Variants in AOPEP observed in about 807,000 individuals in gnomAD.
The protein encoded by AOPEP is aminopeptidase O (putative).
A neutral mutation model predicts 98.1 loss-of-function variants in AOPEP; 77 were observed. That is an observed-to-expected ratio of 0.78 (90% CI 0.65 to 0.95). The LOEUF is 0.95. AOPEP is among the 40% of genes least tolerant of loss of function. AOPEP has a pLI of 0.00. For synonymous variants in AOPEP, 346 were observed against 365.3 expected (o/e 0.95, Z 0.60); for missense variants, 1,024 against 1,024.7 (o/e 1.00, Z 0.01).
chr9:94,933,991 G>A (rs1320066954), intron 7 of AOPEP, among the ~76,000 whole-genome samples: 2 of 152,044 alleles, frequency 1.3e-5, no homozygotes, highest in African/African-American at 2.4e-5. Flanking sequence ...CTTGTGATCC[G>A]CCTGCCTCGG....
chr9:94,784,812 C>T (rs1844047894), intron 3 of AOPEP, among the ~76,000 whole-genome samples: 2 of 152,202 alleles, frequency 1.3e-5, no homozygotes, highest in Admixed American at 1.3e-4. Context: ...GTCAGGGTTT[C>T]ACCCATGTTG....
chr9:94,748,033 C>G (rs1429050818), intron 1 of AOPEP, among the ~76,000 whole-genome samples: 1 of 152,096 alleles, frequency 6.6e-6, no homozygotes, highest in Non-Finnish European at 1.5e-5. Context: ...GATAAATTAA[C>G]CAAGAATGGG....
intron 5 of AOPEP, among the ~76,000 whole-genome samples, chr9:94,804,472 C>G (rs1296768456): frequency 1.3e-5 from 2 of 152,112 alleles, no homozygotes; most frequent in Non-Finnish European, 2.9e-5. Flanking sequence ...TGTAGTTCTG[C>G]TTCATGGCTC....
intron 16 of AOPEP, chr9:95,086,098 T>C: frequency 7.3e-7 from 1 of 1,367,346 alleles, no homozygotes. Flanking sequence ...GTCGAGCCCT[T>C]GAGCAAAAAG....
the AOPEP span, among the ~76,000 whole-genome samples, chr9:95,121,218 G>A: frequency 6.6e-6 from 1 of 152,208 alleles, no homozygotes; most frequent in Non-Finnish European, 1.5e-5. Context: ...TGGCTGTACT[G>A]AGCCACAGTG....
the AOPEP span, among the ~76,000 whole-genome samples, chr9:95,097,574 C>T: frequency 6.6e-6 from 1 of 152,242 alleles, no homozygotes; most frequent in Non-Finnish European, 1.5e-5. Flanking sequence ...TGCTGGCCGG[C>T]TCACACCAGG....
At chr9:94,869,522 C>T (rs573932798) in intron 5 of AOPEP, among the ~76,000 whole-genome samples, 3 of 152,312 alleles carry the variant, frequency 2.0e-5, no homozygotes, top group East Asian at 3.9e-4. Context: ...ATTGTCTGGG[C>T]GGAATGTGGG....
chr9:95,075,133 C>T (rs1033010987), intron 14 of AOPEP, among the ~76,000 whole-genome samples: 13 of 152,144 alleles, frequency 8.5e-5, no homozygotes, highest in African/African-American at 2.7e-4. Flanking sequence ...TCATGGTCTG[C>T]GGTCTGGGTC....
intron 5 of AOPEP, among the ~76,000 whole-genome samples, chr9:94,897,087 A>T (rs2136162574): frequency 6.6e-6 from 1 of 152,210 alleles, no homozygotes. Flanking sequence ...GAAAGGTTTA[A>T]AAAAGTCATC....
At chr9:94,952,357 A>G (rs1379527512) in intron 7 of AOPEP, among the ~76,000 whole-genome samples, 1 of 152,240 alleles carries the variant, frequency 6.6e-6, no homozygotes, top group Non-Finnish European at 1.5e-5. Flanking sequence ...TATCCCCATG[A>G]AAGTACATTC....
At position 94,773,045 on chromosome 9, in the gene AOPEP, C is replaced by CT. The variant is rs754630368; in HGVS notation, c.846dup (p.Pro283SerfsTer76). 6.2e-7 allele frequency: 1 copy of CT among 1,613,960 alleles called. No individual in the cohort carries two copies. The highest frequency in any genetic ancestry group is 8.5e-7 in the Non-Finnish European group (1 of 1,179,968). Reference sequence around the variant, plus strand: ...GGGATCTCCCATAAACAACAGGGCCCTTTTTCCATGCCAGGAGCCACCCGT... The same window carrying CT: ...GGGATCTCCCATAAACAACAGGGCCCTTTTTTCCATGCCAGGAGCCACCCGT... On this transcript the variant is annotated frameshift_variant, in exon 3 of 17. Transcript: ENST00000375315. LOFTEE classifies it high-confidence loss of function.
intron 9 of AOPEP, among the ~76,000 whole-genome samples, chr9:94,965,230 A>C (rs1470322346): frequency 6.6e-6 from 1 of 152,224 alleles, no homozygotes; most frequent in African/African-American, 2.4e-5. Flanking sequence ...GGCATCAGTC[A>C]GTTTGGGGTT....
At chr9:94,773,337 C>A in intron 3 of AOPEP, 169 bp downstream of exon 3, 1 of 531,940 alleles carries the variant, frequency 1.9e-6, no homozygotes, top group Non-Finnish European at 3.3e-6. Context: ...TGGGGAGGGA[C>A]ACTTAGGAGC....
intron 5 of AOPEP, among the ~76,000 whole-genome samples, chr9:94,861,605 CA>C (rs1214479652): frequency 1.1e-4 from 16 of 152,208 alleles, no homozygotes; most frequent in African/African-American, 3.4e-4. Context: ...ACCAGGCTGC[CA>C]GGGGTGGTTC....
At chr9:95,058,203 G>C (rs1236026744) in intron 13 of AOPEP, among the ~76,000 whole-genome samples, 1 of 152,180 alleles carries the variant, frequency 6.6e-6, no homozygotes, top group Non-Finnish European at 1.5e-5. Flanking sequence ...AACTGGAGCT[G>C]TATCTATTGG....
chr9:95,015,867 T>A (rs1301927029), intron 13 of AOPEP, among the ~76,000 whole-genome samples: 1 of 152,186 alleles, frequency 6.6e-6, no homozygotes, highest in Non-Finnish European at 1.5e-5. Context: ...ATGAAATTTT[T>A]TTTCTTCTAT....
chr9:95,112,184 C>A, the AOPEP span, among the ~76,000 whole-genome samples: 1 of 152,210 alleles, frequency 6.6e-6, no homozygotes, highest in African/African-American at 2.4e-5. Flanking sequence ...ATGGGAGTTG[C>A]AATACTTGTT....
downstream of AOPEP, among the ~76,000 whole-genome samples, chr9:95,089,628 GACT>G: frequency 6.6e-6 from 1 of 152,218 alleles, no homozygotes; most frequent in Non-Finnish European, 1.5e-5. Flanking sequence ...CAGCAGCCAA[GACT>G]TGAGAGGCCC....
At chr9:95,130,584 G>A in the AOPEP span, among the ~76,000 whole-genome samples, 2 of 152,144 alleles carry the variant, frequency 1.3e-5, no homozygotes, top group Non-Finnish European at 2.9e-5. Flanking sequence ...TCATGTACTT[G>A]CATGTAGCTT....
Sources: allele counts gnomAD v4.1 joint callset (sites outside exome capture counted in the v4.1 genomes callset), GRCh38; gene constraint gnomAD v4.1.1; transcripts MANE v1.5; gene names NCBI Gene and HGNC (gene_info 2026-07-23, HGNC 2026-07-21).